The following RAB10 variants were observed in gnomAD, a reference collection of about 807,000 sequenced individuals.
RAB10 encodes the protein RAB10, member RAS oncogene family, also known as ras-related protein Rab-10.
Under a neutral mutation model 25.7 loss-of-function variants are expected in RAB10, and 5 were observed. The ratio of observed to expected loss-of-function variants is 0.19; its 90% CI spans 0.10 to 0.41. The LOEUF (loss-of-function observed/expected upper bound fraction) is 0.41. Ranked by LOEUF, RAB10 falls within the 10% of genes least tolerant of loss-of-function variation. RAB10 has a pLI of 1.00. For synonymous variants in RAB10, 89 were observed against 86.4 expected, an observed-to-expected ratio of 1.03 and a Z score of -0.16; for missense variants, 103 against 245.8, an observed-to-expected ratio of 0.42 and a Z score of 3.89.
intron 2 of RAB10, among the ~76,000 whole-genome samples, chr2:26,102,329 T>A (rs1045872908): frequency 6.6e-6 from 1 of 152,160 alleles, no homozygotes; most frequent in Non-Finnish European, 1.5e-5. Context: ...TTAATAATAC[T>A]GGTAGAATGA....
At chr2:26,100,326 C>A (rs1279024880) in intron 2 of RAB10, among the ~76,000 whole-genome samples, 1 of 152,132 alleles carries the variant, frequency 6.6e-6, no homozygotes, top group East Asian at 1.9e-4. Context: ...ACTCTCTTAT[C>A]CTCTGCCATT....
At chr2:26,048,551 T>A (rs189926767) in intron 1 of RAB10, among the ~76,000 whole-genome samples, 16 of 152,340 alleles carry the variant, frequency 1.1e-4, no homozygotes, top group African/African-American at 3.6e-4. Context: ...TCTAATTGGA[T>A]TGTTTTTTAA....
chr2:26,060,601 G>T (rs1666374126), intron 1 of RAB10, among the ~76,000 whole-genome samples: 3 of 152,132 alleles, frequency 2.0e-5, no homozygotes, highest in Admixed American at 2.0e-4. Context: ...TCTCACAGTA[G>T]TTCTCTGAGG....
At chr2:26,069,507 A>G (rs1333712234) in intron 1 of RAB10, among the ~76,000 whole-genome samples, 1 of 151,894 alleles carries the variant, frequency 6.6e-6, no homozygotes, top group African/African-American at 2.4e-5. Context: ...CTCTACTAAA[A>G]ATACAAAAAT....
chr2:26,131,725 T>C (rs1013075186), intron 5 of RAB10, among the ~76,000 whole-genome samples: 2 of 152,132 alleles, frequency 1.3e-5, no homozygotes, highest in African/African-American at 4.8e-5. Context: ...TGAGTAAATA[T>C]GAATATATAT....
intron 1 of RAB10, among the ~76,000 whole-genome samples, chr2:26,044,921 T>TA (rs1189349658): frequency 3.3e-5 from 5 of 151,604 alleles, no homozygotes; most frequent in African/African-American, 7.3e-5. Context: ...ATTGTTATGT[T>TA]AAAAAAAATC....
intron 5 of RAB10, among the ~76,000 whole-genome samples, chr2:26,130,529 G>T (rs1279117089): frequency 6.6e-6 from 1 of 151,154 alleles, no homozygotes; most frequent in East Asian, 1.9e-4. Flanking sequence ...GGCTAGATTT[G>T]AACTCCTGGG....
At chr2:26,078,529 A>C (rs781716906) in intron 1 of RAB10, among the ~76,000 whole-genome samples, 1 of 152,152 alleles carries the variant, frequency 6.6e-6, no homozygotes, top group Non-Finnish European at 1.5e-5. Flanking sequence ...TGGTCAGCTG[A>C]TTTTTGACAG....
intron 1 of RAB10, among the ~76,000 whole-genome samples, chr2:26,061,403 C>T (rs1666391582): frequency 6.6e-6 from 1 of 152,046 alleles, no homozygotes; most frequent in Non-Finnish European, 1.5e-5. Flanking sequence ...ATGTGTGAGC[C>T]ACTGTGCCCA....
chr2:26,095,914 A>G (rs906931507), intron 1 of RAB10, among the ~76,000 whole-genome samples: 4 of 152,138 alleles, frequency 2.6e-5, no homozygotes, highest in Non-Finnish European at 5.9e-5. Flanking sequence ...AGTCTCCAAA[A>G]AACAAAACAG....
At chr2:26,131,066 T>C (rs2149290643) in intron 5 of RAB10, among the ~76,000 whole-genome samples, 1 of 149,412 alleles carries the variant, frequency 6.7e-6, no homozygotes, top group African/African-American at 2.5e-5. Context: ...TATATAGCCA[T>C]TATATATATA....
intron 1 of RAB10, among the ~76,000 whole-genome samples, chr2:26,092,281 G>A (rs1294589918): frequency 9.2e-5 from 3 of 32,494 alleles, no homozygotes; most frequent in African/African-American, 3.3e-4. Flanking sequence ...GTGTGTGTGT[G>A]TGTGTGTGTG....
intron 5 of RAB10, among the ~76,000 whole-genome samples, chr2:26,134,731 C>T (rs1254925450): frequency 6.6e-6 from 1 of 152,152 alleles, no homozygotes; most frequent in Admixed American, 6.5e-5. Context: ...GAAATGTCTA[C>T]AATATTTCAC....
chr2:26,117,636 C>CA (rs371062977), intron 3 of RAB10, among the ~76,000 whole-genome samples: 1 of 143,340 alleles, frequency 7.0e-6, no homozygotes, highest in African/African-American at 2.6e-5. Flanking sequence ...AAAAAAAAAA[C>CA]AAAAAAAACA....
intron 1 of RAB10, among the ~76,000 whole-genome samples, chr2:26,069,471 G>C (rs1666579195): frequency 6.6e-6 from 1 of 152,012 alleles, no homozygotes; most frequent in Admixed American, 6.5e-5. Flanking sequence ...TTTGAGACCA[G>C]CCTGGCCAAT....
intron 2 of RAB10, among the ~76,000 whole-genome samples, chr2:26,108,761 T>TTTGTAACTTCCTGTAAGGCTGTAA (rs1200148630): frequency 5.9e-5 from 9 of 152,110 alleles, no homozygotes; most frequent in African/African-American, 2.2e-4. Context: ...TCTGCACAGT[T>TTTGTAACTTCCTGTAAGGCTGTAA]TTGTAACTTC....
At chr2:26,098,527 T>G (rs1302970908) in intron 1 of RAB10, 135 bp from the exon 2 acceptor site, 1 of 674,548 alleles carries the variant, frequency 1.5e-6, no homozygotes, top group Non-Finnish European at 2.6e-6. Context: ...TGCTCAGTGT[T>G]GCATACTTGG....
intron 1 of RAB10, among the ~76,000 whole-genome samples, chr2:26,048,245 C>G (rs905391496): frequency 2.6e-5 from 4 of 152,146 alleles, no homozygotes; most frequent in South Asian, 2.1e-4. Context: ...ATTGTTGGGT[C>G]ACATAGTAAT....
At chr2:26,086,831 G>A (rs570031740) in intron 1 of RAB10, among the ~76,000 whole-genome samples, 1 of 152,342 alleles carries the variant, frequency 6.6e-6, no homozygotes, top group Admixed American at 6.5e-5. Flanking sequence ...GCATAATACG[G>A]ACGGACCTTA....
Sources: gnomAD v4.1 joint callset for allele counts (sites outside exome capture counted in the v4.1 genomes callset) on GRCh38, gnomAD v4.1.1 for gene constraint, MANE v1.5 for transcripts, NCBI Gene and HGNC (gene_info 2026-07-23, HGNC 2026-07-21) for gene names.